ZBTB20: variants seen among roughly 807,000 people sequenced by gnomAD.
ZBTB20 encodes zinc finger and BTB domain-containing protein 20.
ZBTB20 carries 9 observed loss-of-function variants against 56.9 expected under a neutral mutation model. That is an observed-to-expected ratio of 0.16 (90% CI 0.10 to 0.28). The LOEUF (loss-of-function observed/expected upper bound fraction) is 0.28, where lower values mean the gene tolerates loss of function less well. Ranked by LOEUF, ZBTB20 falls within the 10% of genes least tolerant of loss-of-function variation. ZBTB20 has a pLI of 1.00. For missense variants in ZBTB20, 655 were observed against 1,003.0 expected (o/e 0.65, Z 4.69); for synonymous variants, 417 against 420.7 (o/e 0.99, Z 0.11).
At chr3:114,697,059 G>C (rs1455046315) in intron 5 of ZBTB20, among the ~76,000 whole-genome samples, 1 of 106,058 alleles carries the variant, frequency 9.4e-6, no homozygotes, top group Non-Finnish European at 1.8e-5. Context: ...AATGTACTTT[G>C]TTAAAAAAAA....
At position 114,903,833 on chromosome 3, in the gene ZBTB20, G is replaced by A. The variant is rs183394136; in HGVS notation, c.-455-3491C>T. On this transcript the variant is annotated intron_variant, in intron 3 of 11. Transcript: ENST00000675478. The stretch of plus-strand genomic sequence containing the variant: ...TTATCACCTTTTTATGTATTCTAAG[G>A]AGATCCTGCAGATGACCAGAGCCTT... Among the ~76,000 whole-genome samples the A allele has an allele frequency of 1.5e-3, 229 of 152,018 alleles. 3 individuals carry two copies. The highest frequency in any genetic ancestry group is 5.4e-3 in the African/African-American group (226 of 41,508).
intron 6 of ZBTB20, among the ~76,000 whole-genome samples, chr3:114,639,326 C>A (rs1253813198): frequency 6.6e-6 from 1 of 152,002 alleles, no homozygotes; most frequent in African/African-American, 2.4e-5. Flanking sequence ...TCAGAGCTGT[C>A]TGGAGTTAGG....
At chr3:115,092,816 T>C (rs1023682746) in intron 1 of ZBTB20, among the ~76,000 whole-genome samples, 1 of 152,106 alleles carries the variant, frequency 6.6e-6, no homozygotes, top group Non-Finnish European at 1.5e-5. Flanking sequence ...TTAAACAGAC[T>C]CAATAATACA....
chr3:114,350,980 G>C lies in ZBTB20; in HGVS notation c.1098C>G (p.Thr366=). ...AGCTTTCACCTTTGGGCTCACTCTC[G>C]GTGCCCTCGGCCTGGTCTGTGTCTT... is the stretch of plus-strand genomic sequence containing the variant. The part of the protein sequence containing the change: ...CTEDTDQAEG[T]ESEPKGESFD... Residue 366 remains threonine (T), a synonymous_variant, in exon 11 of 12, where the codon ACC becomes ACG. Coordinates refer to ENST00000675478, the MANE Select transcript of ZBTB20 (RefSeq NM_001348800.3). 2 of 1,608,550 alleles carry C rather than the reference G, an allele frequency of 1.2e-6. No individual in the cohort carries two copies. The highest frequency in any genetic ancestry group is 1.7e-6 in the Non-Finnish European group (2 of 1,179,908).
intron 7 of ZBTB20, among the ~76,000 whole-genome samples, chr3:114,422,290 G>A (rs570789393): frequency 1.3e-5 from 2 of 152,102 alleles, no homozygotes; most frequent in Non-Finnish European, 2.9e-5. Context: ...GACAACAAAG[G>A]ACACAGTCCC....
At chr3:115,116,471 T>C (rs1448817829) in intron 1 of ZBTB20, among the ~76,000 whole-genome samples, 1 of 152,032 alleles carries the variant, frequency 6.6e-6, no homozygotes, top group Non-Finnish European at 1.5e-5. Context: ...GATATGTATA[T>C]TGAAGCAGGT....
chr3:114,497,636 T>C (rs757222131), intron 7 of ZBTB20, among the ~76,000 whole-genome samples: 1 of 152,202 alleles, frequency 6.6e-6, no homozygotes, highest in African/African-American at 2.4e-5. Context: ...TCATTCCTCT[T>C]ACTACGTCTT....
intron 7 of ZBTB20, among the ~76,000 whole-genome samples, chr3:114,477,861 T>C (rs1251986950): frequency 6.6e-6 from 1 of 151,326 alleles, no homozygotes; most frequent in Admixed American, 6.6e-5. Context: ...CTTTTCTCTC[T>C]CTCTTCTTCC....
intron 7 of ZBTB20, among the ~76,000 whole-genome samples, chr3:114,463,623 C>T (rs1035461248): frequency 6.6e-6 from 1 of 152,120 alleles, no homozygotes; most frequent in Admixed American, 6.5e-5. Context: ...TCTTCAAAGG[C>T]TTTTTCTTGA....
intron 6 of ZBTB20, among the ~76,000 whole-genome samples, chr3:114,580,520 C>T (rs1387967982): frequency 6.6e-6 from 1 of 151,642 alleles, no homozygotes; most frequent in African/African-American, 2.4e-5. Flanking sequence ...AAAAATTGAA[C>T]ATTTAAGAAT....
chr3:114,565,325 T>C (rs1185222146), intron 6 of ZBTB20, among the ~76,000 whole-genome samples: 1 of 152,208 alleles, frequency 6.6e-6, no homozygotes. Flanking sequence ...AAAGCTGAAA[T>C]TCATAAACCA....
At chr3:115,133,879 CTT>C (rs1168151810) in intron 1 of ZBTB20, among the ~76,000 whole-genome samples, 1 of 152,152 alleles carries the variant, frequency 6.6e-6, no homozygotes, top group African/African-American at 2.4e-5. Flanking sequence ...TATCACTTCT[CTT>C]GAGTATATAC....
chr3:114,817,234 A>G (rs2072990323), intron 4 of ZBTB20, among the ~76,000 whole-genome samples: 1 of 136,988 alleles, frequency 7.3e-6, no homozygotes, highest in African/African-American at 3.2e-5. Flanking sequence ...CACACACATA[A>G]TAAATTGGGC....
intron 6 of ZBTB20, among the ~76,000 whole-genome samples, chr3:114,692,361 G>A (rs945046978): frequency 6.6e-5 from 10 of 152,096 alleles, no homozygotes; most frequent in Admixed American, 1.3e-4. Flanking sequence ...GAGAGACAGA[G>A]ATAGATGTGC....
intron 6 of ZBTB20, among the ~76,000 whole-genome samples, chr3:114,534,197 T>C (rs548894196): frequency 4.8e-4 from 73 of 152,084 alleles, no homozygotes; most frequent in African/African-American, 1.5e-3. Flanking sequence ...GACTGGAAAA[T>C]TGGATAGAGT....
At chr3:114,619,106 A>G (rs1279651877) in intron 6 of ZBTB20, among the ~76,000 whole-genome samples, 13 of 152,206 alleles carry the variant, frequency 8.5e-5, no homozygotes, top group Admixed American at 7.9e-4. Flanking sequence ...TGCAGCATTC[A>G]TAGCTTAAGG....
chr3:114,848,562 A>G (rs1212786743), intron 4 of ZBTB20, among the ~76,000 whole-genome samples: 2 of 152,162 alleles, frequency 1.3e-5, no homozygotes, highest in African/African-American at 4.8e-5. Context: ...ACGTGCTTAA[A>G]TTTTGTCTGA....
Position 115,070,461 on chromosome 3 carries a change from C to T in ZBTB20, c.-507+758G>A, listed in dbSNP as rs542593761. Among the ~76,000 whole-genome samples the T allele has an allele frequency of 2.5e-4, 38 of 152,080 alleles. 1 individual carries two copies. The highest frequency in any genetic ancestry group is 1.1e-3 in the Admixed American group (17 of 15,266). Reference sequence around the variant, plus strand: ...GGTAAACAGATGAACAGAAACACACCATTTTTTCAGAGTATTCTGTTGGCC... The same window carrying T: ...GGTAAACAGATGAACAGAAACACACTATTTTTTCAGAGTATTCTGTTGGCC... On this transcript the variant is annotated intron_variant, in intron 2 of 11. Coordinates refer to ENST00000675478, the MANE Select transcript of ZBTB20 (RefSeq NM_001348800.3).
chr3:115,030,982 T>C (rs1576606048), intron 2 of ZBTB20, among the ~76,000 whole-genome samples: 1 of 151,618 alleles, frequency 6.6e-6, no homozygotes, highest in East Asian at 1.9e-4. Context: ...ACAAATTTTC[T>C]ATACAGCTTT....
Sources: allele counts gnomAD v4.1 joint callset (sites outside exome capture counted in the v4.1 genomes callset), GRCh38; gene constraint gnomAD v4.1.1; transcripts MANE v1.5; gene names NCBI Gene and HGNC (gene_info 2026-07-23, HGNC 2026-07-21).